Variants in GALNTL6 observed in about 807,000 individuals in gnomAD.
The protein encoded by GALNTL6 is polypeptide N-acetylgalactosaminyltransferase-like 6.
In GALNTL6, 46 loss-of-function variants were observed where a neutral mutation model predicts 73.7. That is an observed-to-expected ratio of 0.62 (90% confidence interval 0.49 to 0.80). GALNTL6 has a LOEUF of 0.80. Among genes scored for constraint, GALNTL6 ranks in the 30% least tolerant of loss-of-function variants. The pLI is 0.00. For synonymous variants in GALNTL6, 259 were observed against 263.7 expected, an observed-to-expected ratio of 0.98 and a Z score of 0.17; for missense variants, 604 against 755.0, an observed-to-expected ratio of 0.80 and a Z score of 2.34.
chr4:172,288,249 C>A (rs1469902010), intron 3 of GALNTL6, among the ~76,000 whole-genome samples: 1 of 152,028 alleles, frequency 6.6e-6, no homozygotes, highest in East Asian at 1.9e-4. Context: ...AACCACCACG[C>A]CCAGCTAATT....
At chr4:172,230,853 CT>C (rs33972038) in intron 3 of GALNTL6, among the ~76,000 whole-genome samples, 60,343 of 151,966 alleles carry the variant, frequency 0.4, 12,157 homozygotes, top group African/African-American at 0.42. Context: ...AGAATTATAA[CT>C]TAGCCAGGGT....
At position 172,300,839 on chromosome 4, in the gene GALNTL6, A is replaced by G. The variant is rs1304118043; in HGVS notation, c.248-10775A>G. Reference sequence around the variant, plus strand: ...TTCAACTTTGGTGAATCTGACAATTATGTGTCTTGGAGTTGCTCTTCTCGA... The same window carrying G: ...TTCAACTTTGGTGAATCTGACAATTGTGTGTCTTGGAGTTGCTCTTCTCGA... On this transcript the variant is annotated intron_variant, in intron 3 of 12. Transcript: ENST00000506823. Among the ~76,000 whole-genome samples, 9 of 152,002 alleles carry G rather than the reference A, an allele frequency of 5.9e-5. No homozygotes were observed. The East Asian group carries it at 1.4e-3, about 23-fold the overall frequency.
chr4:172,532,029 G>A (rs1285556541), intron 5 of GALNTL6, among the ~76,000 whole-genome samples: 1 of 152,172 alleles, frequency 6.6e-6, no homozygotes, highest in Non-Finnish European at 1.5e-5. Context: ...CTTCTGAGAT[G>A]GATTCTTGTG....
chr4:172,258,629 G>A (rs1010621495), intron 3 of GALNTL6, among the ~76,000 whole-genome samples: 4 of 151,128 alleles, frequency 2.6e-5, no homozygotes, highest in South Asian at 4.1e-4. Context: ...AGTTTTCAGG[G>A]AACAGGTGGT....
At chr4:172,677,535 A>G (rs555865312) in intron 5 of GALNTL6, among the ~76,000 whole-genome samples, 28 of 152,286 alleles carry the variant, frequency 1.8e-4, no homozygotes, top group African/African-American at 6.5e-4. Context: ...AGTCTTAAGG[A>G]GTTTGTGGTC....
chr4:172,002,482 G>C (rs1449976811), intron 2 of GALNTL6, among the ~76,000 whole-genome samples: 1 of 152,054 alleles, frequency 6.6e-6, no homozygotes, highest in Non-Finnish European at 1.5e-5. Flanking sequence ...CATTCCTGTT[G>C]TTTATAAGCC....
intron 2 of GALNTL6, among the ~76,000 whole-genome samples, chr4:171,835,844 A>G (rs1735081252): frequency 6.6e-6 from 1 of 151,978 alleles, no homozygotes; most frequent in Non-Finnish European, 1.5e-5. Flanking sequence ...TAGTGTTCTC[A>G]TTTTTAAATA....
intron 2 of GALNTL6, among the ~76,000 whole-genome samples, chr4:172,126,884 C>T (rs1733310588): frequency 6.6e-6 from 1 of 152,206 alleles, no homozygotes; most frequent in Non-Finnish European, 1.5e-5. Context: ...CCATAGCTGG[C>T]TGGCTGCTAC....
At chr4:172,354,424 T>G (rs928147469) in intron 5 of GALNTL6, among the ~76,000 whole-genome samples, 1 of 152,162 alleles carries the variant, frequency 6.6e-6, no homozygotes, top group Non-Finnish European at 1.5e-5. Flanking sequence ...TGCTTTCTGA[T>G]ATTTGTATAT....
chr4:172,409,442 A>G (rs1744355807), intron 5 of GALNTL6, among the ~76,000 whole-genome samples: 1 of 152,056 alleles, frequency 6.6e-6, no homozygotes, highest in Non-Finnish European at 1.5e-5. Context: ...ATAAAACAAT[A>G]ACTGGATTTT....
intron 2 of GALNTL6, among the ~76,000 whole-genome samples, chr4:172,012,331 A>G (rs1251640084): frequency 6.6e-6 from 1 of 152,096 alleles, no homozygotes; most frequent in Admixed American, 6.6e-5. Flanking sequence ...GAGCAGCCCA[A>G]GTACAACCCT....
At chr4:172,056,080 T>C (rs768061302) in intron 2 of GALNTL6, among the ~76,000 whole-genome samples, 1 of 152,150 alleles carries the variant, frequency 6.6e-6, no homozygotes, top group Non-Finnish European at 1.5e-5. Context: ...AAGATACCTA[T>C]AAACAAAATG....
Position 171,904,619 on chromosome 4 carries a change from A to T in GALNTL6, c.138+89901A>T, listed in dbSNP as rs1312544391. Among the ~76,000 whole-genome samples the T allele has an allele frequency of 1.1e-4, 17 of 152,292 alleles. No individual in the cohort carries two copies. The East Asian group carries it at 3.3e-3, about 29-fold the overall frequency. The stretch of plus-strand genomic sequence containing the variant: ...CCCCAATCTAGCAAGGCAGGCCAAC[A>T]TTCAGATTCAGGAAATACAGAGAAT... On this transcript the variant is annotated intron_variant, in intron 2 of 12. Transcript: ENST00000506823.
intron 5 of GALNTL6, among the ~76,000 whole-genome samples, chr4:172,607,124 A>C (rs561925811): frequency 1.3e-4 from 19 of 151,918 alleles, no homozygotes; most frequent in South Asian, 1.0e-3. Flanking sequence ...GTCACCCCCC[A>C]AAAAAAATAA....
rs837207 is a variant in GALNTL6 at position 172,655,001 on chromosome 4, T to C, written c.554-154360T>C. On this transcript the variant is annotated intron_variant, in intron 5 of 12. Transcript: ENST00000506823. ...CAATTGGCCCAAGTAAAACAGCTAG[T>C]AAGGGGCAGAGCTTGAATTCAAGCA... Among the ~76,000 whole-genome samples the C allele has an allele frequency of 8.6e-3, 1,306 of 152,236 alleles. 19 individuals carry two copies. The highest frequency in any genetic ancestry group is 0.03 in the African/African-American group (1,253 of 41,532).
chr4:172,499,034 C>T (rs1031376790), intron 5 of GALNTL6, among the ~76,000 whole-genome samples: 1 of 152,134 alleles, frequency 6.6e-6, no homozygotes, highest in Non-Finnish European at 1.5e-5. Flanking sequence ...GTCAGTATTG[C>T]ACTCCTTCTT....
At chr4:172,295,391 G>A (rs900237152) in intron 3 of GALNTL6, among the ~76,000 whole-genome samples, 1 of 147,320 alleles carries the variant, frequency 6.8e-6, no homozygotes, top group South Asian at 2.2e-4. Flanking sequence ...CACTGCACTC[G>A]AGCCTGGGCA....
chr4:172,531,352 C>T (rs929042664), intron 5 of GALNTL6, among the ~76,000 whole-genome samples: 7 of 152,180 alleles, frequency 4.6e-5, no homozygotes, highest in Non-Finnish European at 1.0e-4. Context: ...GAATTTTCTC[C>T]AAGCTTTTTA....
At position 171,820,818 on chromosome 4, in the gene GALNTL6, G is replaced by C. The variant is rs140778909; in HGVS notation, c.138+6100G>C. Among the ~76,000 whole-genome samples, 423 of 152,206 alleles carry C rather than the reference G, an allele frequency of 2.8e-3. 4 individuals carry two copies. Among genetic ancestry groups the C allele is most frequent in the African/African-American group, 9.7e-3 (403 of 41,532 alleles). ...TAGAGCATGATAGTAGCTACCACCT[G>C]TCTTAAGGACTGGTGGTTTCTCAAT... On this transcript the variant is annotated intron_variant, in intron 2 of 12. Transcript: ENST00000506823.
Sources: gnomAD v4.1 joint callset for allele counts (sites outside exome capture counted in the v4.1 genomes callset) on GRCh38, gnomAD v4.1.1 for gene constraint, MANE v1.5 for transcripts, NCBI Gene and HGNC (gene_info 2026-07-23, HGNC 2026-07-21) for gene names.